Variants in PDCD7 observed in about 807,000 individuals in gnomAD.
PDCD7 encodes the protein programmed cell death protein 7.
In PDCD7, 40 loss-of-function variants were observed where a neutral mutation model predicts 42.1. The observed-to-expected ratio is 0.95, with a 90% confidence interval of 0.74 to 1.24. The LOEUF (loss-of-function observed/expected upper bound fraction) is 1.24, where lower values mean the gene tolerates loss of function less well. Among genes scored for constraint, PDCD7 ranks in the 50% most tolerant of loss-of-function variants. The pLI is 0.00. For synonymous variants in PDCD7, 299 were observed against 303.3 expected, an observed-to-expected ratio of 0.99 and a Z score of 0.15; for missense variants, 644 against 662.8, an observed-to-expected ratio of 0.97 and a Z score of 0.31.
intron 2 of PDCD7, among the ~76,000 whole-genome samples, chr15:65,125,013 C>T (rs979096422): frequency 2.0e-5 from 3 of 152,226 alleles, no homozygotes; most frequent in African/African-American, 7.2e-5. Flanking sequence ...CAAACCTTCA[C>T]TGCTCTCCTA....
Position 65,133,301 on chromosome 15 carries a change from C to T in PDCD7, c.481G>A (p.Val161Met). 2 of 1,303,488 alleles carry T rather than the reference C, an allele frequency of 1.5e-6. No individual in the cohort carries two copies. Among genetic ancestry groups the T allele is most frequent in the Non-Finnish European group, 1.9e-6 (2 of 1,030,062 alleles). The allele number at this position is 1,303,488 out of a possible 1,614,324, so 80.7% of individuals were successfully genotyped here. A position where few individuals can be genotyped will look rare whatever the true frequency, so the allele number is the denominator to read the frequency against. Residue 161 changes from valine to methionine, a missense_variant, in exon 1 of 5, where the codon GTG becomes ATG. Coordinates refer to ENST00000204549, the MANE Select transcript of PDCD7 (RefSeq NM_005707.2). The stretch of plus-strand genomic sequence containing the variant: ...GGCCCGGCATGCGTGCGCTGGGGCA[C>T]CGGACAGCCTGCCCGCCGCGGGGTC... ...FGTPRRAGCP[V>M]PQRTHAGPSL...
rs1008995256 is a variant in PDCD7 at position 65,117,581 on chromosome 15, A to G, written c.*1136T>C. On this transcript the variant is annotated 3_prime_UTR_variant, in exon 5 of 5. Coordinates refer to ENST00000204549, the MANE Select transcript of PDCD7 (RefSeq NM_005707.2). Reference sequence around the variant, plus strand: ...AGTCTTGCTCTGTCTCCCAGGCTGGAGTGCCGTGGCGCGATCTCGGCTCAC... The same window carrying G: ...AGTCTTGCTCTGTCTCCCAGGCTGGGGTGCCGTGGCGCGATCTCGGCTCAC... The G allele has an allele frequency of 6.6e-6, 1 of 151,454 alleles. No homozygotes were observed. The highest frequency in any genetic ancestry group is 2.4e-5 in the African/African-American group (1 of 41,166). The allele number at this position is 151,454 out of a possible 1,614,324, so 9.4% of individuals were successfully genotyped here.
At chr15:65,129,237 C>T in intron 1 of PDCD7, 67 bp from the exon 2 acceptor site, 1 of 1,534,788 alleles carries the variant, frequency 6.5e-7, no homozygotes, top group Middle Eastern at 1.7e-4. Flanking sequence ...AATAGCTGCC[C>T]AGTGGTTAGA....
chr15:65,133,655 G>T lies in PDCD7; in HGVS notation c.127C>A (p.Gln43Lys), dbSNP rs2087563494. The change falls in exon 1 of 5, where the codon CAG (glutamine) becomes AAG (lysine). Residue 43 changes from glutamine to lysine, a missense_variant. Gln to Lys is a moderately conservative substitution (Grantham distance 53). Coordinates refer to ENST00000204549, the MANE Select transcript of PDCD7 (RefSeq NM_005707.2). The stretch of plus-strand genomic sequence containing the variant: ...GCCCCCGGAAAAGGGCCGGGCCGCT[G>T]GGGGAGAGGCGGCGGGAAAGCCGGG... ...PSPAFPPPLP[Q>K]RPGPFPGASA... is the part of the protein sequence containing the mutation. 4.7e-6 allele frequency: 6 copies of T among 1,263,968 alleles called. No individual in the cohort carries two copies. Among genetic ancestry groups the T allele is most frequent in the Non-Finnish European group, 5.0e-6 (5 of 999,734 alleles). The allele number at this position is 1,263,968 out of a possible 1,614,324, so 78.3% of individuals were successfully genotyped here.
chr15:65,131,446 G>A (rs2087539150), intron 1 of PDCD7, among the ~76,000 whole-genome samples: 1 of 152,160 alleles, frequency 6.6e-6, no homozygotes, highest in Admixed American at 6.5e-5. Context: ...GGCAATCAAA[G>A]GTAATGAAAA....
chr15:65,125,461 C>G (rs183323262), intron 2 of PDCD7, among the ~76,000 whole-genome samples: 2 of 152,278 alleles, frequency 1.3e-5, no homozygotes, highest in Non-Finnish European at 2.9e-5. Context: ...TATCTGTTTG[C>G]TTTTCTTGTA....
At position 65,123,950 on chromosome 15, in the gene PDCD7, AG is replaced by A. The variant is rs368763316; in HGVS notation, c.1010-3997del. On this transcript the variant is annotated intron_variant, in intron 2 of 4. Coordinates refer to ENST00000204549, the MANE Select transcript of PDCD7 (RefSeq NM_005707.2). ...ATATTTTAGATTTTGTAAGCCATAC[AG>A]TCTCTGTTGCAACTACTAAAATCTG... Among the ~76,000 whole-genome samples the A allele has an allele frequency of 6.5e-4, 99 of 152,296 alleles. 1 individual carries two copies. The highest frequency in any genetic ancestry group is 2.2e-3 in the African/African-American group (91 of 41,560).
chr15:65,133,007 C>T lies in PDCD7; in HGVS notation c.775G>A (p.Glu259Lys), dbSNP rs745719932. The change falls in exon 1 of 5, where the codon GAG becomes AAG. Residue 259 changes from glutamate (E) to lysine (K), a missense_variant. By Grantham distance (56) the Glu-to-Lys change is moderately conservative. Coordinates refer to ENST00000204549, the MANE Select transcript of PDCD7 (RefSeq NM_005707.2). Reference sequence around the variant, plus strand: ...GCCCGCGCGGCCTCTGCCTCCCGCTCGGCCTCGCGTTCCCGGGCCCTCTCG... The same window carrying T: ...GCCCGCGCGGCCTCTGCCTCCCGCTTGGCCTCGCGTTCCCGGGCCCTCTCG... ...LRERAREREA[E>K]REAEAARAVE... is the part of the protein sequence containing the mutation. 1.9e-6 allele frequency: 3 copies of T among 1,603,166 alleles called. No homozygotes were observed. Among genetic ancestry groups the T allele is most frequent in the Non-Finnish European group, 2.5e-6 (3 of 1,179,320 alleles).
chr15:65,131,221 T>A (rs2087537553), intron 1 of PDCD7, among the ~76,000 whole-genome samples: 1 of 152,158 alleles, frequency 6.6e-6, no homozygotes, highest in African/African-American at 2.4e-5. Context: ...GAACTGCGCA[T>A]GGAAGGGATC....
In PDCD7 at chr15:65,133,764, G is replaced by T. The variant is rs1290495753; in HGVS notation, c.18C>A (p.Phe6Leu). The change falls in exon 1 of 5, where the codon TTC becomes TTA. Residue 6 changes from phenylalanine (F) to leucine (L), a missense_variant. Phe to Leu is a conservative substitution (Grantham distance 22, BLOSUM62 0). Coordinates refer to ENST00000204549, the MANE Select transcript of PDCD7 (RefSeq NM_005707.2). ...GTGGGCCTGGGCGACCCTGGCCGAA[G>T]AATGGTGGCAGGGCCATGTTCACGA... MALPPFFGQGRPGPPP... is the reference protein window; with the variant it reads MALPPLFGQGRPGPPP... The T allele has an allele frequency of 7.4e-7, 1 of 1,345,720 alleles. No homozygotes were observed. Among genetic ancestry groups the T allele is most frequent in the South Asian group, 2.1e-5 (1 of 47,858 alleles). 83.4% of individuals were successfully genotyped at this position (1,345,720 alleles called of 1,614,324 possible). A position where few individuals can be genotyped will look rare whatever the true frequency, so the allele number is the denominator to read the frequency against.
intron 2 of PDCD7, among the ~76,000 whole-genome samples, chr15:65,123,015 A>G (rs1050638186): frequency 2.0e-4 from 30 of 152,000 alleles, no homozygotes; most frequent in African/African-American, 6.3e-4. Context: ...AAAAAAAAAA[A>G]GAAAGAAAAA....
chr15:65,131,430 C>T (rs913839762), intron 1 of PDCD7, among the ~76,000 whole-genome samples: 20 of 151,972 alleles, frequency 1.3e-4, no homozygotes, highest in African/African-American at 4.8e-4. Flanking sequence ...GAAAGGGAAC[C>T]CCAGAGGCAA....
chr15:65,127,173 C>T (rs1276077589), intron 2 of PDCD7, among the ~76,000 whole-genome samples: 5 of 152,024 alleles, frequency 3.3e-5, no homozygotes, highest in East Asian at 3.9e-4. Context: ...AAACTTTCAG[C>T]GGGGCCAGGC....
intron 2 of PDCD7, among the ~76,000 whole-genome samples, chr15:65,121,823 T>G (rs1238347798): frequency 6.6e-6 from 1 of 152,226 alleles, no homozygotes; most frequent in African/African-American, 2.4e-5. Context: ...ATGTATTCTA[T>G]TTTTGTGCAT....
intron 2 of PDCD7, among the ~76,000 whole-genome samples, chr15:65,122,065 T>G (rs1163751179): frequency 6.6e-6 from 1 of 152,194 alleles, no homozygotes; most frequent in Non-Finnish European, 1.5e-5. Flanking sequence ...CCAAGCGTGG[T>G]GGCTCACACC....
chr15:65,133,140 C>A lies in PDCD7; in HGVS notation c.642G>T (p.Pro214=), dbSNP rs1278824150. The part of the protein sequence containing the change: ...AWVLLYSQTA[P]LRAELAERLQ... ...GCCGCTCGGCCAGTTCCGCGCGCAG[C>A]GGCGCGGTCTGGGAGTACAGCAGGA... The change falls in exon 1 of 5, where the codon CCG becomes CCT. Residue 214 remains proline (P), a synonymous_variant. Transcript: ENST00000204549. 2.6e-6 allele frequency: 4 copies of A among 1,534,196 alleles called. No homozygotes were observed. The highest frequency in any genetic ancestry group is 3.5e-6 in the Non-Finnish European group (4 of 1,146,976).
At chr15:65,120,025 G>A in intron 2 of PDCD7, 71 bp from the exon 3 acceptor site, 1 of 1,493,244 alleles carries the variant, frequency 6.7e-7, no homozygotes, top group South Asian at 1.3e-5. Context: ...CTAACACCCA[G>A]GCTGGAGTAC....
chr15:65,121,725 GA>G (rs1234208367), intron 2 of PDCD7, among the ~76,000 whole-genome samples: 1 of 152,174 alleles, frequency 6.6e-6, no homozygotes, highest in Non-Finnish European at 1.5e-5. Context: ...CCACAGTGGA[GA>G]AAATAGTCAG....
chr15:65,119,603 T>C (rs1595926172), intron 3 of PDCD7, 115 bp downstream of exon 3: 7 of 1,257,688 alleles, frequency 5.6e-6, no homozygotes, highest in East Asian at 2.3e-5. Context: ...TGACACAGAA[T>C]TGCATCTGGA....
Sources: allele counts gnomAD v4.1 joint callset (sites outside exome capture counted in the v4.1 genomes callset), GRCh38; gene constraint gnomAD v4.1.1; transcripts MANE v1.5; gene names NCBI Gene and HGNC (gene_info 2026-07-23, HGNC 2026-07-21).